The following OLFM3 variants were observed in gnomAD, a reference collection of about 807,000 sequenced individuals.
The protein encoded by OLFM3 is noelin-3.
Under a neutral mutation model 48.6 loss-of-function variants are expected in OLFM3, and 20 were observed. That is an observed-to-expected ratio of 0.41 (90% CI 0.29 to 0.60). OLFM3 has a LOEUF of 0.60. Ranked by LOEUF, OLFM3 falls within the 20% of genes least tolerant of loss-of-function variation. The pLI is 0.28. For missense variants in OLFM3, 437 were observed against 544.3 expected (o/e 0.80, Z 1.96); for synonymous variants, 222 against 198.1 (o/e 1.12, Z -1.01).
chr1:101,910,053 C>T (rs902121730), intron 1 of OLFM3: 1 of 985,472 alleles, frequency 1.0e-6, no homozygotes, highest in African/African-American at 1.7e-5. Flanking sequence ...CTCCATTCTC[C>T]TCCTCCTGCT....
chr1:101,825,051 T>C lies in OLFM3; in HGVS notation c.567A>G (p.Arg189=), dbSNP rs1654793037. The stretch of plus-strand genomic sequence containing the variant: ...TTAGCTTTTTCATGCAGTCACGAAG[T>C]CTTGTTTCCAAGCTCAGCACTCTTT... ...LHQRVLSLET[R]LRDCMKKLTC... Residue 189 remains arginine, a synonymous_variant, in exon 4 of 6, where the codon AGA becomes AGG. Transcript: ENST00000370103. 1 of 1,614,120 alleles carries C rather than the reference T, an allele frequency of 6.2e-7. No homozygotes were observed. The highest frequency in any genetic ancestry group is 1.7e-5 in the Admixed American group (1 of 60,024).
At chr1:101,951,004 T>C (rs1415089) in intron 1 of OLFM3, among the ~76,000 whole-genome samples, 90,477 of 152,074 alleles carry the variant, frequency 0.59, 27,222 homozygotes, top group East Asian at 0.73. Flanking sequence ...CTAACTTACA[T>C]GGTCTATTTA....
At chr1:101,930,315 A>C (rs1478023769) in intron 1 of OLFM3, among the ~76,000 whole-genome samples, 9 of 152,208 alleles carry the variant, frequency 5.9e-5, no homozygotes, top group Admixed American at 4.6e-4. Flanking sequence ...GAAGAATATA[A>C]TAGTGGCCAT....
At chr1:101,920,928 GT>G (rs1296264382) in intron 1 of OLFM3, among the ~76,000 whole-genome samples, 1 of 152,122 alleles carries the variant, frequency 6.6e-6, no homozygotes, top group African/African-American at 2.4e-5. Flanking sequence ...TTTCTCAAAA[GT>G]TTTTTCTTTG....
intron 4 of OLFM3, among the ~76,000 whole-genome samples, chr1:101,816,628 A>C (rs1654349447): frequency 6.6e-6 from 1 of 152,182 alleles, no homozygotes; most frequent in Admixed American, 6.6e-5. Flanking sequence ...CATTGTATGA[A>C]GTTGGACAAT....
At chr1:101,918,475 G>A (rs1658993120) in intron 1 of OLFM3, among the ~76,000 whole-genome samples, 2 of 151,536 alleles carry the variant, frequency 1.3e-5, no homozygotes, top group Non-Finnish European at 2.9e-5. Flanking sequence ...TTCTTGGTTT[G>A]TGGCTCCCTT....
intron 1 of OLFM3, chr1:101,837,751 C>T (rs1444978360): frequency 6.6e-6 from 1 of 152,134 alleles, no homozygotes; most frequent in Non-Finnish European, 1.5e-5. Context: ...CTGTACCATC[C>T]AACAGAAACC....
At chr1:101,846,758 C>A in intron 1 of OLFM3, 1 of 954,184 alleles carries the variant, frequency 1.0e-6, no homozygotes, top group Non-Finnish European at 1.6e-6. Context: ...AAGGCAGAAG[C>A]AAAATCTTAG....
At chr1:101,813,149 G>A in intron 4 of OLFM3, 2 of 1,248,134 alleles carry the variant, frequency 1.6e-6, no homozygotes, top group Non-Finnish European at 1.0e-6. Context: ...TAAATCAACT[G>A]GAAAGGAAAT....
intron 1 of OLFM3, among the ~76,000 whole-genome samples, chr1:101,845,398 C>T (rs991547633): frequency 2.6e-5 from 4 of 151,534 alleles, no homozygotes; most frequent in African/African-American, 9.7e-5. Context: ...TAAAAAAAAA[C>T]CAAGCCAATG....
intron 1 of OLFM3, among the ~76,000 whole-genome samples, chr1:101,913,620 A>G (rs183647539): frequency 2.1e-4 from 32 of 152,040 alleles, no homozygotes; most frequent in Admixed American, 1.8e-3. Context: ...TAATGTCAGA[A>G]TGATCATTTA....
intron 1 of OLFM3, among the ~76,000 whole-genome samples, chr1:101,984,091 T>C (rs996137792): frequency 1.3e-5 from 2 of 151,830 alleles, no homozygotes; most frequent in Non-Finnish European, 2.9e-5. Flanking sequence ...TCTACAAAAA[T>C]TAGCTGAGCG....
chr1:101,860,922 A>G (rs757511220), intron 1 of OLFM3, among the ~76,000 whole-genome samples: 3 of 152,092 alleles, frequency 2.0e-5, no homozygotes, highest in Non-Finnish European at 4.4e-5. Context: ...TGACTTTTTG[A>G]TATAGGTAGA....
intron 1 of OLFM3, among the ~76,000 whole-genome samples, chr1:101,969,312 C>CT (rs1387121859): frequency 1.3e-5 from 1 of 78,812 alleles, no homozygotes. Context: ...CCACGCCTGG[C>CT]TATTTTTTTT....
chr1:101,869,839 TGAA>T (rs902105876), intron 1 of OLFM3, among the ~76,000 whole-genome samples: 18 of 152,286 alleles, frequency 1.2e-4, no homozygotes, highest in African/African-American at 4.1e-4. Flanking sequence ...TGCTGCCGTG[TGAA>T]GAAGGACATG....
intron 1 of OLFM3, among the ~76,000 whole-genome samples, chr1:101,900,662 G>A (rs912414766): frequency 3.3e-5 from 5 of 152,048 alleles, no homozygotes; most frequent in African/African-American, 9.7e-5. Context: ...AAAAAAAATG[G>A]TAGAGTTAGT....
At chr1:101,879,289 A>G (rs921427333) in intron 1 of OLFM3, among the ~76,000 whole-genome samples, 4 of 151,900 alleles carry the variant, frequency 2.6e-5, no homozygotes, top group African/African-American at 9.7e-5. Context: ...ACTACACAGT[A>G]TAGTTTGAAT....
intron 1 of OLFM3, among the ~76,000 whole-genome samples, chr1:101,976,659 A>G (rs1304291140): frequency 6.6e-6 from 1 of 152,132 alleles, no homozygotes; most frequent in Non-Finnish European, 1.5e-5. Context: ...GGCTTGTAGA[A>G]GTTTATAATT....
chr1:101,884,104 T>C (rs745693366), intron 1 of OLFM3, among the ~76,000 whole-genome samples: 79 of 151,972 alleles, frequency 5.2e-4, no homozygotes, highest in Non-Finnish European at 1.0e-3. Flanking sequence ...ATCATCTGTT[T>C]TCCAGCCCCT....
Sources: gnomAD v4.1 joint callset for allele counts (sites outside exome capture counted in the v4.1 genomes callset) on GRCh38, gnomAD v4.1.1 for gene constraint, MANE v1.5 for transcripts, NCBI Gene and HGNC (gene_info 2026-07-23, HGNC 2026-07-21) for gene names.